KLF13: variants seen among roughly 807,000 people sequenced by gnomAD.
The protein encoded by KLF13 is KLF transcription factor 13.
A neutral mutation model predicts 16.7 loss-of-function variants in KLF13; 8 were observed. That is an observed-to-expected ratio of 0.48 (90% CI 0.28 to 0.87). The LOEUF (loss-of-function observed/expected upper bound fraction) is 0.87. KLF13 is among the 40% of genes least tolerant of loss of function. The pLI is 0.10. For missense variants in KLF13, 447 were observed against 452.2 expected, an observed-to-expected ratio of 0.99 and a Z score of 0.10; for synonymous variants, 245 against 208.4, an observed-to-expected ratio of 1.18 and a Z score of -1.51.
At chr15:31,405,719 C>T (rs2040119489), downstream of KLF13, among the ~76,000 whole-genome samples, 1 of 152,156 alleles carries the variant, frequency 6.6e-6, no homozygotes, top group Admixed American at 6.5e-5. Context: ...AGCCAGCCTT[C>T]CCAGGAAGGG....
At chr15:31,388,196 CTGTT>C (rs771588532), upstream of KLF13, among the ~76,000 whole-genome samples, 2 of 152,136 alleles carry the variant, frequency 1.3e-5, no homozygotes, top group African/African-American at 2.4e-5. Flanking sequence ...GCATTAGAAA[CTGTT>C]TGTTTGTTTG....
At chr15:31,430,299 A>G (rs1368958061) in intron 1 of KLF13, among the ~76,000 whole-genome samples, 1 of 152,200 alleles carries the variant, frequency 6.6e-6, no homozygotes, top group South Asian at 2.1e-4. Context: ...TCAATAAGAG[A>G]GAGAACAATG....
At chr15:31,343,045 G>A (rs940553348) in intron 1 of KLF13, among the ~76,000 whole-genome samples, 2 of 152,226 alleles carry the variant, frequency 1.3e-5, no homozygotes, top group African/African-American at 2.4e-5. Flanking sequence ...TGGAGTTTCC[G>A]CATCCCCCTG....
At chr15:31,413,727 T>TA (rs1043409172) in intron 1 of KLF13, among the ~76,000 whole-genome samples, 3 of 151,988 alleles carry the variant, frequency 2.0e-5, no homozygotes, top group African/African-American at 7.2e-5. Flanking sequence ...CAAGAAATAC[T>TA]AAAAAAAATT....
intron 1 of KLF13, among the ~76,000 whole-genome samples, chr15:31,333,952 T>TA (rs2038881185): frequency 6.6e-6 from 1 of 151,008 alleles, no homozygotes; most frequent in African/African-American, 2.4e-5. Context: ...CATCGCCTCA[T>TA]GGGGGGGGGA....
chr15:31,342,946 C>T (rs1185388554), intron 1 of KLF13, among the ~76,000 whole-genome samples: 1 of 152,258 alleles, frequency 6.6e-6, no homozygotes. Context: ...CTTCCTCGCT[C>T]TCCCGGCGTC....
At chr15:31,357,133 C>T (rs1012245530) in intron 1 of KLF13, among the ~76,000 whole-genome samples, 2 of 152,154 alleles carry the variant, frequency 1.3e-5, no homozygotes, top group African/African-American at 2.4e-5. Flanking sequence ...CACATTTTTC[C>T]TTCTGTATCT....
At chr15:31,346,339 G>T (rs1266168344) in intron 1 of KLF13, among the ~76,000 whole-genome samples, 25 of 152,200 alleles carry the variant, frequency 1.6e-4, no homozygotes, top group Admixed American at 1.6e-3. Flanking sequence ...CTGAGCTCCT[G>T]CATAGCAGCT....
chr15:31,354,323 T>C (rs1470174832), intron 1 of KLF13, among the ~76,000 whole-genome samples: 1 of 152,224 alleles, frequency 6.6e-6, no homozygotes, highest in African/African-American at 2.4e-5. Context: ...CGAGGAGGAA[T>C]GGCCTCCAGG....
intron 1 of KLF13, among the ~76,000 whole-genome samples, chr15:31,416,074 A>G (rs8043195): frequency 0.57 from 86,965 of 151,950 alleles, 25,472 homozygotes; most frequent in South Asian, 0.69. Flanking sequence ...ACAACAAATT[A>G]GATAAAACTG....
chr15:31,355,153 C>T (rs921646472), intron 1 of KLF13, among the ~76,000 whole-genome samples: 2 of 152,232 alleles, frequency 1.3e-5, no homozygotes, highest in East Asian at 1.9e-4. Flanking sequence ...CAACAACAAC[C>T]GAAACAATCA....
Position 31,411,389 on chromosome 15 carries a change from AT to A in KLF13, n.117+17708del, listed in dbSNP as rs1200797507. 8.5e-3 allele frequency among the ~76,000 whole-genome samples: 1,208 copies of A among 141,968 alleles called. 19 individuals are homozygous for A. Among genetic ancestry groups the A allele is most frequent in the African/African-American group, 0.03 (1,119 of 37,034 alleles). The allele number at this position is 141,968 out of a possible 152,430, so 93.1% of individuals were successfully genotyped here. A position where few individuals can be genotyped will look rare whatever the true frequency, so the allele number is the denominator to read the frequency against. On this transcript the variant is annotated intron_variant and non_coding_transcript_variant, in intron 1 of 1. Coordinates refer to the KLF13 transcript ENST00000558225. ...TCAATGTAACTTACCATACCAACACATTTTTTTTTTCTTTTTTTTTTTTTGA... is the reference window on the plus strand; with the variant it reads ...TCAATGTAACTTACCATACCAACACATTTTTTTTTCTTTTTTTTTTTTTGA...
chr15:31,426,805 C>T (rs966050208), intron 1 of KLF13, among the ~76,000 whole-genome samples: 19 of 152,028 alleles, frequency 1.2e-4, no homozygotes, highest in African/African-American at 4.6e-4. Context: ...GTCAGTGGAC[C>T]ATATAGGGAA....
At chr15:31,423,163 A>ACGTATATATACG (rs373134448) in intron 1 of KLF13, among the ~76,000 whole-genome samples, 2 of 118,090 alleles carry the variant, frequency 1.7e-5, no homozygotes, top group African/African-American at 9.2e-5. Flanking sequence ...ACGTATATAT[A>ACGTATATATACG]TGTATATATA....
At chr15:31,346,413 C>T (rs963895251) in intron 1 of KLF13, among the ~76,000 whole-genome samples, 22 of 152,238 alleles carry the variant, frequency 1.4e-4, no homozygotes, top group African/African-American at 5.3e-4. Flanking sequence ...GTATGATGGA[C>T]CCCCCACCGC....
intron 1 of KLF13, among the ~76,000 whole-genome samples, chr15:31,385,724 T>A (rs1247775996): frequency 6.6e-6 from 1 of 152,190 alleles, no homozygotes; most frequent in Non-Finnish European, 1.5e-5. Context: ...TTTCTCCCTC[T>A]CCTCAGGCCT....
intron 1 of KLF13, among the ~76,000 whole-genome samples, chr15:31,426,067 C>G (rs756536747): frequency 6.6e-6 from 1 of 152,166 alleles, no homozygotes; most frequent in Admixed American, 6.5e-5. Context: ...CACCTTTACT[C>G]CAGTTCCCAA....
intron 1 of KLF13, among the ~76,000 whole-genome samples, chr15:31,343,767 G>T (rs1466294071): frequency 6.6e-6 from 1 of 152,190 alleles, no homozygotes; most frequent in Non-Finnish European, 1.5e-5. Flanking sequence ...GTCCTGATGT[G>T]GGGATGTGCC....
At chr15:31,424,541 T>G (rs2040379256) in intron 1 of KLF13, among the ~76,000 whole-genome samples, 2 of 152,120 alleles carry the variant, frequency 1.3e-5, no homozygotes, top group South Asian at 4.1e-4. Context: ...TCATTTCAAT[T>G]GATGCAGAAA....
Sources: allele counts gnomAD v4.1 joint callset (sites outside exome capture counted in the v4.1 genomes callset), GRCh38; gene constraint gnomAD v4.1.1; transcripts MANE v1.5; gene names NCBI Gene and HGNC (gene_info 2026-07-23, HGNC 2026-07-21).